The following A1BG variants were observed in gnomAD, a reference collection of about 807,000 sequenced individuals.
The protein encoded by A1BG is alpha-1-B glycoprotein.
A neutral mutation model predicts 46.0 loss-of-function variants in A1BG; 44 were observed. The ratio of observed to expected loss-of-function variants is 0.96; its 90% CI spans 0.75 to 1.23. A1BG has a LOEUF of 1.23. A1BG is among the 50% of genes most tolerant of loss of function. The pLI, the probability that A1BG is intolerant of heterozygous loss-of-function variation, is 0.00. For missense variants in A1BG, 707 were observed against 688.8 expected (o/e 1.03, Z -0.30); for synonymous variants, 316 against 314.7 (o/e 1.00, Z -0.04).
chr19:58,351,985 G>A (rs1270432240), intron 4 of A1BG: 7 of 951,032 alleles, frequency 7.4e-6, no homozygotes, highest in East Asian at 5.6e-5. Context: ...TAGTAGAGAC[G>A]GGGTTTCGTC....
chr19:58,352,393 A>C lies in A1BG; in HGVS notation c.503T>G (p.Val168Gly). 6.2e-7 allele frequency: 1 copy of C among 1,613,946 alleles called. No homozygotes were observed. Among genetic ancestry groups the C allele is most frequent in the Non-Finnish European group, 8.5e-7 (1 of 1,180,006 alleles). The change falls in exon 4 of 8, where the codon GTG (valine) becomes GGG (glycine). Residue 168 changes from valine (V) to glycine (G), a missense_variant. By Grantham distance (109) the Val-to-Gly change is moderately radical. Transcript: ENST00000263100. ...CTGATGGACTGGAAAGGTGGCCTCC[A>C]CATCCTCCTGGGCCTCAGGCACCTC... ...FLEVPEAQED[V>G]EATFPVHQPG...
chr19:58,353,094 G>T lies in A1BG; in HGVS notation c.174C>A (p.Phe58Leu). The change falls in exon 3 of 8, where the codon TTC becomes TTA. Residue 58 changes from phenylalanine to leucine, a missense_variant. Transcript: ENST00000263100. ...TCQAHLETPDFQLFKNGVAQE... is the reference protein window; with the variant it reads ...TCQAHLETPDLQLFKNGVAQE... ...GGGCCACCCCATTCTTGAACAGCTG[G>T]AAGTCTGGAGTCTCCAGGTGGGCCT... is the stretch of plus-strand genomic sequence containing the variant. 1 of 1,614,180 alleles carries T rather than the reference G, an allele frequency of 6.2e-7. No homozygotes were observed. The highest frequency in any genetic ancestry group is 1.1e-5 in the South Asian group (1 of 91,088).
Position 58,352,348 on chromosome 19 carries a change from CTGCAGCTGTAGT to C in A1BG, c.536_547del (p.Asn179_Cys182del). 1 of 1,614,032 alleles carries C rather than the reference CTGCAGCTGTAGT, an allele frequency of 6.2e-7. No homozygotes were observed. Among genetic ancestry groups the C allele is most frequent in the Non-Finnish European group, 8.5e-7 (1 of 1,180,020 alleles). On this transcript the variant is annotated inframe_deletion, in exon 4 of 8. Transcript: ENST00000263100. Reference sequence around the variant, plus strand: ...GGCGCCTTCCCCATCGGTCCGGTAGCTGCAGCTGTAGTTGCCAGGCTGATGGACTGGAAAGGT... The same window carrying C: ...GGCGCCTTCCCCATCGGTCCGGTAGCTGCCAGGCTGATGGACTGGAAAGGT...
chr19:58,347,706 G>T (rs1001775652), intron 6 of A1BG, 66 bp from the exon 7 acceptor site: 4 of 1,204,834 alleles, frequency 3.3e-6, no homozygotes, highest in Non-Finnish European at 2.1e-6. Flanking sequence ...CCACACCCCA[G>T]GCCACACCCC....
chr19:58,353,279 C>T lies in A1BG; in HGVS notation c.70+13G>A, dbSNP rs1240556599. The stretch of plus-strand genomic sequence containing the variant: ...CTGGGCCCACCATTCCCAGACCTCA[C>T]CCCTGCACTCACATATGGCTGCTTC... On this transcript the variant is annotated intron_variant, in intron 2 of 7. Transcript: ENST00000263100. The T allele has an allele frequency of 1.2e-6, 2 of 1,613,918 alleles. No homozygotes were observed. The highest frequency in any genetic ancestry group is 2.2e-5 in the East Asian group (1 of 44,878).
chr19:58,347,648 G>T lies in A1BG; in HGVS notation c.1193-8C>A. 8 of 1,401,926 alleles carry T rather than the reference G, an allele frequency of 5.7e-6. No homozygotes were observed. The highest frequency in any genetic ancestry group is 7.4e-6 in the Non-Finnish European group (8 of 1,085,696). 86.8% of individuals were successfully genotyped at this position (1,401,926 alleles called of 1,614,324 possible). ...GAGGCCTGGGAGGGGGTCCTGGGCG[G>T]AGCGGGCGGGTGGTCGGGCCAGGCC... is the stretch of plus-strand genomic sequence containing the variant. On this transcript the variant is annotated splice_polypyrimidine_tract_variant and splice_region_variant and intron_variant, in intron 6 of 7. Transcript: ENST00000263100.
intron 7 of A1BG, 69 bp from the exon 8 acceptor site, chr19:58,347,098 A>G (rs2051918472): frequency 6.3e-7 from 1 of 1,584,022 alleles, no homozygotes; most frequent in Non-Finnish European, 8.6e-7. Flanking sequence ...CGCGGAAATC[A>G]AGGCCGACCT....
At chr19:58,352,666 G>T in intron 3 of A1BG, 111 bp from the exon 4 acceptor site, 1 of 1,390,650 alleles carries the variant, frequency 7.2e-7, no homozygotes, top group Non-Finnish European at 9.7e-7. Context: ...GGGATGGAGG[G>T]CATTGCTGGG....
rs548054734 is a variant in A1BG, at chr19:58,352,710, T to C, written c.341-155A>G. ...GGCAGGCACCAGTGGAAACAAGGCA[T>C]ACGGCAAGAGAAAAAGAGTGTGTGG... On this transcript the variant is annotated intron_variant, in intron 3 of 7. Coordinates refer to ENST00000263100, the MANE Select transcript of A1BG (RefSeq NM_130786.4). The C allele has an allele frequency of 4.1e-5, 49 of 1,189,874 alleles. 1 individual carries two copies. The South Asian group carries it at 6.6e-4, about 16-fold the overall frequency. 73.7% of individuals were successfully genotyped at this position (1,189,874 alleles called of 1,614,324 possible).
Position 58,346,719 on chromosome 19 carries a change from A to G in A1BG, c.*303T>C. On this transcript the variant is annotated 3_prime_UTR_variant, in exon 8 of 8. Transcript: ENST00000263100. ...GGGTGACAGTGTGAGACCCTGTCTCAAAAAAGAAAAAAGAAAAGAAAACTG... is the reference window on the plus strand; with the variant it reads ...GGGTGACAGTGTGAGACCCTGTCTCGAAAAAGAAAAAAGAAAAGAAAACTG... The G allele has an allele frequency of 2.1e-6, 1 of 466,162 alleles. No homozygotes were observed. Among genetic ancestry groups the G allele is most frequent in the Non-Finnish European group, 3.9e-6 (1 of 255,780 alleles). The allele number at this position is 466,162 out of a possible 1,614,324, so 28.9% of individuals were successfully genotyped here. A position where few individuals can be genotyped will look rare whatever the true frequency, so the allele number is the denominator to read the frequency against.
chr19:58,353,367 CTCCCGCCCCA>C (rs2051985124), intron 1 of A1BG, 27 bp downstream of exon 1: 1 of 1,610,710 alleles, frequency 6.2e-7, no homozygotes, highest in Non-Finnish European at 8.5e-7. Flanking sequence ...TTCCCGCCCC[CTCCCGCCCCA>C]GGGACCCAGA....
intron 6 of A1BG, 31 bp downstream of exon 6, chr19:58,350,339 G>C (rs2051946009): frequency 3.9e-6 from 6 of 1,521,078 alleles, no homozygotes; most frequent in Non-Finnish European, 5.3e-6. Flanking sequence ...CTGAACCCGC[G>C]CCCGCCCTCG....
At chr19:58,351,039 C>A in intron 5 of A1BG, 1 of 443,106 alleles carries the variant, frequency 2.3e-6, no homozygotes, top group Non-Finnish European at 4.1e-6. Context: ...GTTCGCTGTC[C>A]GGTGCTCAGA....
chr19:58,347,131 A>G, intron 7 of A1BG, 102 bp from the exon 8 acceptor site: 3 of 1,485,214 alleles, frequency 2.0e-6, no homozygotes, highest in East Asian at 4.7e-5. Flanking sequence ...CCCGGAAGGA[A>G]GCGCGTGGTC....
In A1BG at chr19:58,350,549, C is replaced by T. The variant is rs1354729560; in HGVS notation, c.1013G>A (p.Arg338His). The T allele has an allele frequency of 2.6e-6, 4 of 1,547,352 alleles. No homozygotes were observed. Among genetic ancestry groups the T allele is most frequent in the Non-Finnish European group, 3.5e-6 (4 of 1,145,462 alleles). The change falls in exon 6 of 8, where the codon CGC becomes CAC. Residue 338 changes from arginine (R) to histidine (H), a missense_variant. By Grantham distance (29) the Arg-to-His change is conservative. Transcript: ENST00000263100. ...PLEGARFALV[R>H]EDRGGRRVHR... is the part of the protein sequence containing the mutation. ...CACGCGGCGCCCGCCCCTGTCCTCG[C>T]GCACCAGGGCGAAGCGCGCGCCCTC...
intron 6 of A1BG, chr19:58,348,582 CCCTAT>C (rs2051932590): frequency 6.6e-6 from 1 of 152,176 alleles, no homozygotes; most frequent in South Asian, 2.1e-4. Context: ...AAGTTATATT[CCCTAT>C]CCATTTTGAA....
chr19:58,350,663 C>T lies in A1BG; in HGVS notation c.911-12G>A. Reference sequence around the variant, plus strand: ...CGCGGGCAGCGTCTCTGCGGAGCAGCACACGGGCTGACCCGGGCGCCCAGC... The same window carrying T: ...CGCGGGCAGCGTCTCTGCGGAGCAGTACACGGGCTGACCCGGGCGCCCAGC... On this transcript the variant is annotated splice_polypyrimidine_tract_variant and intron_variant, in intron 5 of 7. Transcript: ENST00000263100. 7.3e-7 allele frequency: 1 copy of T among 1,362,014 alleles called. No individual in the cohort carries two copies. Among genetic ancestry groups the T allele is most frequent in the Non-Finnish European group, 9.4e-7 (1 of 1,062,134 alleles). The allele number at this position is 1,362,014 out of a possible 1,614,324, so 84.4% of individuals were successfully genotyped here. A position where few individuals can be genotyped will look rare whatever the true frequency, so the allele number is the denominator to read the frequency against.
chr19:58,352,835 G>T, intron 3 of A1BG, 93 bp downstream of exon 3: 1 of 1,496,866 alleles, frequency 6.7e-7, no homozygotes, highest in Non-Finnish European at 8.9e-7. Flanking sequence ...GGGGCTTGGG[G>T]CTCAGAGACA....
At position 58,346,581 on chromosome 19, in the gene A1BG, G is replaced by A. The variant is rs771122166; in HGVS notation, c.*441C>T. Reference sequence around the variant, plus strand: ...TACAAAAAATAATAATTAGCCAGACGTGGCGATGCATGCCCAGGCTCCCAG... The same window carrying A: ...TACAAAAAATAATAATTAGCCAGACATGGCGATGCATGCCCAGGCTCCCAG... On this transcript the variant is annotated 3_prime_UTR_variant, in exon 8 of 8. Transcript: ENST00000263100. 3.5e-5 allele frequency: 9 copies of A among 257,652 alleles called. No homozygotes were observed. The highest frequency in any genetic ancestry group is 6.1e-5 in the Non-Finnish European group (8 of 130,710). The allele number at this position is 257,652 out of a possible 1,614,324, so 16.0% of individuals were successfully genotyped here.
Sources: gnomAD v4.1 joint callset for allele counts on GRCh38, gnomAD v4.1.1 for gene constraint, MANE v1.5 for transcripts, NCBI Gene and HGNC (gene_info 2026-07-23, HGNC 2026-07-21) for gene names.